SDK1: variants seen among roughly 807,000 people sequenced by gnomAD.
SDK1 encodes the protein sidekick cell adhesion molecule 1.
Under a neutral mutation model 245.5 loss-of-function variants are expected in SDK1, and 157 were observed. The ratio of observed to expected loss-of-function variants is 0.64; its 90% CI spans 0.56 to 0.73. The LOEUF is 0.73. Among genes scored for constraint, SDK1 ranks in the 30% least tolerant of loss-of-function variants. The pLI is 0.00. For missense variants in SDK1, 3,583 were observed against 3,002.3 expected, an observed-to-expected ratio of 1.19 and a Z score of -4.52; for synonymous variants, 1,647 against 1,278.5, an observed-to-expected ratio of 1.29 and a Z score of -6.15.
Position 3,942,527 on chromosome 7 carries a change from C to T in SDK1, c.848-8396C>T, listed in dbSNP as rs141286572. The stretch of plus-strand genomic sequence containing the variant: ...TGTTGGAAAAAGATTTAAAAGAAGC[C>T]AAAGAACATATTGCTCAACATTGAG... On this transcript the variant is annotated intron_variant, in intron 5 of 44. Coordinates refer to ENST00000404826, the MANE Select transcript of SDK1 (RefSeq NM_152744.4). Among the ~76,000 whole-genome samples, 452 of 152,244 alleles carry T rather than the reference C, an allele frequency of 3.0e-3. 2 individuals are homozygous for T. The highest frequency in any genetic ancestry group is 0.01 in the African/African-American group (433 of 41,544).
chr7:3,301,288 G>C lies in SDK1; in HGVS notation c.-299G>C, dbSNP rs954773864. Reference sequence around the variant, plus strand: ...TCAGCGCCGGGCGGGGGCGGCGGCGGCGGCGGCTCCTCCGCGCCCGGCGGA... The same window carrying C: ...TCAGCGCCGGGCGGGGGCGGCGGCGCCGGCGGCTCCTCCGCGCCCGGCGGA... On this transcript the variant is annotated 5_prime_UTR_variant, in exon 1 of 45. Coordinates refer to ENST00000404826, the MANE Select transcript of SDK1 (RefSeq NM_152744.4). Among the ~76,000 whole-genome samples, 1 of 146,996 alleles carries C rather than the reference G, an allele frequency of 6.8e-6. No individual in the cohort carries two copies. The highest frequency in any genetic ancestry group is 2.1e-4 in the South Asian group (1 of 4,796).
At chr7:3,436,773 T>C (rs973299236) in intron 1 of SDK1, among the ~76,000 whole-genome samples, 1 of 152,174 alleles carries the variant, frequency 6.6e-6, no homozygotes, top group African/African-American at 2.4e-5. Context: ...CCTCACTGTC[T>C]TCCCCTTTCC....
chr7:4,110,075 T>C (rs1420437345), intron 22 of SDK1, among the ~76,000 whole-genome samples: 2 of 152,078 alleles, frequency 1.3e-5, no homozygotes, highest in Non-Finnish European at 2.9e-5. Context: ...GCAGTTTCTT[T>C]AAATCTTAAG....
chr7:3,880,174 G>C (rs1781172070), intron 5 of SDK1, among the ~76,000 whole-genome samples: 1 of 152,238 alleles, frequency 6.6e-6, no homozygotes, highest in Admixed American at 6.5e-5. Flanking sequence ...TCCTCAGGGA[G>C]ATGGATGCGT....
At chr7:3,979,036 A>G (rs1175214075) in intron 13 of SDK1, among the ~76,000 whole-genome samples, 1 of 152,132 alleles carries the variant, frequency 6.6e-6, no homozygotes, top group Non-Finnish European at 1.5e-5. Flanking sequence ...CACCCACATC[A>G]CACCCACAGC....
chr7:3,343,723 G>GT (rs60427151), intron 1 of SDK1, among the ~76,000 whole-genome samples: 15,752 of 151,558 alleles, frequency 0.1, 1,028 homozygotes, highest in African/African-American at 0.18. Flanking sequence ...TTAATAAAAA[G>GT]TTAAATATGA....
rs76775126 is a variant in SDK1, at chr7:3,776,366, A to C, written c.714-45084A>C. 5.8e-3 allele frequency among the ~76,000 whole-genome samples: 879 copies of C among 152,316 alleles called. 6 individuals carry two copies. The highest frequency in any genetic ancestry group is 0.02 in the African/African-American group (822 of 41,568). On this transcript the variant is annotated intron_variant, in intron 4 of 44. Coordinates refer to ENST00000404826, the MANE Select transcript of SDK1 (RefSeq NM_152744.4). ...TTCTGTTTCCCAGTTGCACGGTGAA[A>C]ATCTATTCTGTCAGATTTGTGTTTT...
intron 5 of SDK1, among the ~76,000 whole-genome samples, chr7:3,835,602 C>G (rs550152381): frequency 6.6e-6 from 1 of 152,318 alleles, no homozygotes; most frequent in South Asian, 2.1e-4. Context: ...ATCCTGAACT[C>G]TTAGCATAAG....
intron 1 of SDK1, among the ~76,000 whole-genome samples, chr7:3,586,500 A>G (rs1354518060): frequency 6.6e-6 from 1 of 151,542 alleles, no homozygotes; most frequent in Non-Finnish European, 1.5e-5. Flanking sequence ...GATCGAGACC[A>G]TCCTGGCTAA....
chr7:4,070,408 G>C (rs890312141), intron 20 of SDK1, among the ~76,000 whole-genome samples: 3 of 152,182 alleles, frequency 2.0e-5, no homozygotes, highest in Non-Finnish European at 4.4e-5. Context: ...CCCGGAAATG[G>C]AGCCACCTCG....
At chr7:4,161,325 C>T (rs1474000224) in intron 31 of SDK1, among the ~76,000 whole-genome samples, 2 of 152,230 alleles carry the variant, frequency 1.3e-5, no homozygotes, top group Admixed American at 6.5e-5. Flanking sequence ...AATCAATCTC[C>T]TTTCCTGACA....
At chr7:3,799,673 C>A (rs1261012389) in intron 4 of SDK1, among the ~76,000 whole-genome samples, 5 of 147,354 alleles carry the variant, frequency 3.4e-5, no homozygotes, top group East Asian at 2.0e-4. Context: ...CCACTGCACT[C>A]CAGCCTGGGC....
intron 17 of SDK1, among the ~76,000 whole-genome samples, chr7:4,042,739 C>T (rs893954815): frequency 1.3e-5 from 2 of 152,200 alleles, no homozygotes; most frequent in African/African-American, 2.4e-5. Flanking sequence ...AAGCCCTTGT[C>T]GTTGGCTTAA....
chr7:3,484,753 CAT>C (rs1781626620), intron 1 of SDK1, among the ~76,000 whole-genome samples: 1 of 152,166 alleles, frequency 6.6e-6, no homozygotes, highest in Non-Finnish European at 1.5e-5. Flanking sequence ...GGAGTGAGAA[CAT>C]GGGATATTTG....
chr7:3,603,761 C>A (rs992256649), intron 1 of SDK1, among the ~76,000 whole-genome samples: 2 of 152,164 alleles, frequency 1.3e-5, no homozygotes, highest in South Asian at 2.1e-4. Flanking sequence ...GTCTTGTGCC[C>A]GTTTTTAAAG....
At chr7:4,179,055 C>T (rs1782432410) in intron 35 of SDK1, 2 of 156,276 alleles carry the variant, frequency 1.3e-5, no homozygotes, top group Non-Finnish European at 2.8e-5. Flanking sequence ...TAAGATGTGA[C>T]TGTTGGGTCT....
intron 1 of SDK1, among the ~76,000 whole-genome samples, chr7:3,571,276 C>G (rs1415421145): frequency 6.6e-6 from 1 of 151,822 alleles, no homozygotes; most frequent in African/African-American, 2.4e-5. Context: ...TGTAGATTAT[C>G]TTTGTTATTA....
intron 4 of SDK1, among the ~76,000 whole-genome samples, chr7:3,729,059 C>T (rs554445898): frequency 4.6e-5 from 7 of 152,244 alleles, no homozygotes; most frequent in East Asian, 1.9e-4. Context: ...GTGTGAAATC[C>T]GGCTTGATCA....
At chr7:3,639,423 G>C (rs1782576238) in intron 3 of SDK1, among the ~76,000 whole-genome samples, 1 of 152,128 alleles carries the variant, frequency 6.6e-6, no homozygotes, top group Non-Finnish European at 1.5e-5. Flanking sequence ...TACTATGTTT[G>C]GATTCAAAAT....
Sources: gnomAD v4.1 joint callset for allele counts (sites outside exome capture counted in the v4.1 genomes callset) on GRCh38, gnomAD v4.1.1 for gene constraint, MANE v1.5 for transcripts, NCBI Gene and HGNC (gene_info 2026-07-23, HGNC 2026-07-21) for gene names.